The following ESPL1 variants were observed in gnomAD, a reference collection of about 807,000 sequenced individuals.
The protein encoded by ESPL1 is separin.
In ESPL1, 50 loss-of-function variants were observed where a neutral mutation model predicts 217.2. That is an observed-to-expected ratio of 0.23 (90% CI 0.18 to 0.29). ESPL1 has a LOEUF of 0.29. ESPL1 is among the 10% of genes least tolerant of loss of function. The pLI, the probability that ESPL1 is intolerant of heterozygous loss-of-function variation, is 1.00. For missense variants in ESPL1, 1,834 were observed against 2,603.0 expected, an observed-to-expected ratio of 0.70 and a Z score of 6.43; for synonymous variants, 994 against 1,081.3, an observed-to-expected ratio of 0.92 and a Z score of 1.58.
In ESPL1 at chr12:53,292,000, C is replaced by T; in HGVS notation, c.5708C>T (p.Pro1903Leu). The change falls in exon 27 of 31, where the codon CCG (proline) becomes CTG (leucine). Residue 1903 changes from proline to leucine, a missense_variant. By Grantham distance (98) the Pro-to-Leu change is moderately conservative. This residue lies in a region of ESPL1 where 295 missense variants were observed against 519.8 expected (regional missense o/e 0.57). Coordinates refer to ENST00000257934, the MANE Select transcript of ESPL1 (RefSeq NM_012291.5). Reference sequence around the variant, plus strand: ...TTTGCCCAGGACTTGCAGAAGCTGCCGTGGGAAAGCATGCCCAGCCTCCAA... The same window carrying T: ...TTTGCCCAGGACTTGCAGAAGCTGCTGTGGGAAAGCATGCCCAGCCTCCAA... ...LVLDKDLQKL[P>L]WESMPSLQAL... The T allele has an allele frequency of 1.2e-6, 2 of 1,613,930 alleles. No individual in the cohort carries two copies. The highest frequency in any genetic ancestry group is 1.7e-6 in the Non-Finnish European group (2 of 1,179,952).
In ESPL1 at chr12:53,269,423, CGGCG is replaced by C; in HGVS notation, c.482_485del (p.Arg161GlnfsTer8). On this transcript the variant is annotated frameshift_variant, in exon 3 of 31. Coordinates refer to ENST00000257934, the MANE Select transcript of ESPL1 (RefSeq NM_012291.5). LOFTEE classifies it high-confidence loss of function. The surrounding 1 kb of genome is among the most constrained non-coding windows in gnomAD (Gnocchi z 6.7). Reference sequence around the variant, plus strand: ...GAAGGGGGCAGAAGCCCTGTTGGAACGGCGAGCTGCATTTGCAGCTCGGCTGAAG... The same window carrying C: ...GAAGGGGGCAGAAGCCCTGTTGGAACAGCTGCATTTGCAGCTCGGCTGAAG... 1 of 1,613,832 alleles carries C rather than the reference CGGCG, an allele frequency of 6.2e-7. No individual in the cohort carries two copies. Among genetic ancestry groups the C allele is most frequent in the Non-Finnish European group, 8.5e-7 (1 of 1,179,962 alleles).
Position 53,292,402 on chromosome 12 carries a change from C to A in ESPL1, c.5912+9C>A. ...CGAGCCAATTTCAGCAGGTCAGGGG[C>A]GCGAAGACAAGAAGACGTGTGGGGA... On this transcript the variant is annotated intron_variant, in intron 28 of 30. Coordinates refer to ENST00000257934, the MANE Select transcript of ESPL1 (RefSeq NM_012291.5). This position sits in a 1 kb window ranked among gnomAD's most constrained non-coding sequence, Gnocchi z 4.5. 3 of 1,591,638 alleles carry A rather than the reference C, an allele frequency of 1.9e-6. No homozygotes were observed. Among genetic ancestry groups the A allele is most frequent in the East Asian group, 2.2e-5 (1 of 44,786 alleles).
chr12:53,274,989 G>A lies in ESPL1; in HGVS notation c.1679G>A (p.Gly560Glu), dbSNP rs1943741383. 2 of 1,549,494 alleles carry A rather than the reference G, an allele frequency of 1.3e-6. No individual in the cohort carries two copies. The highest frequency in any genetic ancestry group is 1.7e-6 in the Non-Finnish European group (2 of 1,149,868). ...GTCAAGATGGATGCGGCCAGGGCTG[G>A]AGACAAGGAGCTACAGCTAAAGTGA... ...VRVKMDAARA[G>E]DKELQLKTLR... The change falls in exon 7 of 31, where the codon GGA becomes GAA. Residue 560 changes from glycine (G) to glutamate (E), a missense_variant. Coordinates refer to ENST00000257934, the MANE Select transcript of ESPL1 (RefSeq NM_012291.5).
intron 3 of ESPL1, 110 bp downstream of exon 3, chr12:53,270,195 C>G (rs1351232753): frequency 9.3e-7 from 1 of 1,074,808 alleles, no homozygotes; most frequent in Non-Finnish European, 1.4e-6. Context: ...TTAAGCTGCT[C>G]TCTGGACAGT....
chr12:53,290,540 AGACG>A, intron 24 of ESPL1, 71 bp downstream of exon 24: 1 of 1,568,902 alleles, frequency 6.4e-7, no homozygotes, highest in Non-Finnish European at 8.7e-7. Flanking sequence ...CTTCTCTACC[AGACG>A]GCCTGGGTCA....
At chr12:53,288,401 C>A in intron 19 of ESPL1, 60 bp downstream of exon 19, 1 of 1,538,744 alleles carries the variant, frequency 6.5e-7, no homozygotes, top group Non-Finnish European at 8.7e-7. Context: ...TGGGGCAAAG[C>A]ACAAGCAGTA....
chr12:53,277,105 G>A lies in ESPL1; in HGVS notation c.1963G>A (p.Glu655Lys), dbSNP rs1379253812. The A allele has an allele frequency of 2.5e-6, 4 of 1,613,906 alleles. No individual in the cohort carries two copies. In the Admixed American group the frequency reaches 5.0e-5, roughly 20 times the overall value. Reference protein sequence around the residue: ...TNCSALDAIREALQLLDSVRP... With the variant: ...TNCSALDAIRKALQLLDSVRP... The stretch of plus-strand genomic sequence containing the variant: ...CAGCTCTGCTCTGGATGCTATCCGG[G>A]AAGCCCTGCAGCTTCTGGACTCTGT... Residue 655 changes from glutamate (E) to lysine (K), a missense_variant, in exon 9 of 31, where the codon GAA becomes AAA. Coordinates refer to ENST00000257934, the MANE Select transcript of ESPL1 (RefSeq NM_012291.5).
At chr12:53,289,767 C>T in intron 22 of ESPL1, 173 bp downstream of exon 22, 1 of 646,068 alleles carries the variant, frequency 1.5e-6, no homozygotes, top group Non-Finnish European at 2.6e-6. Flanking sequence ...TTTTTTTAAA[C>T]CTCAACTTTG....
chr12:53,288,641 G>A lies in ESPL1; in HGVS notation c.4650G>A (p.Lys1550=). The A allele has an allele frequency of 1.2e-6, 2 of 1,614,006 alleles. No individual in the cohort carries two copies. The highest frequency in any genetic ancestry group is 1.7e-6 in the Non-Finnish European group (2 of 1,180,026). The change falls in exon 20 of 31, where the codon AAG becomes AAA. Residue 1550 remains lysine (K), a synonymous_variant. Coordinates refer to ENST00000257934, the MANE Select transcript of ESPL1 (RefSeq NM_012291.5). ...AGCTGCCCAGCCCATGCCCAGACAA[G>A]GAGAGTGACAAGGACCTTGGTCCTC... ...KKKLPSPCPD[K]ESDKDLGPRL...
At chr12:53,268,693 C>G (rs568840171) in intron 1 of ESPL1, 62 bp from the exon 2 acceptor site, 1 of 1,034,944 alleles carries the variant, frequency 9.7e-7, no homozygotes, top group South Asian at 1.4e-5. Context: ...ACCTTCAGCC[C>G]TCTTCCCTTC....
In ESPL1 at chr12:53,292,505, C is replaced by T; in HGVS notation, c.5913-69C>T. On this transcript the variant is annotated intron_variant, in intron 28 of 30. Coordinates refer to ENST00000257934, the MANE Select transcript of ESPL1 (RefSeq NM_012291.5). The surrounding 1 kb of genome is among the most constrained non-coding windows in gnomAD (Gnocchi z 4.5). The stretch of plus-strand genomic sequence containing the variant: ...CAGCCCACCTTCTATCTAATGATCC[C>T]TCTGCTGTCTTTGCCACCTGACCCC... 7.0e-7 allele frequency: 1 copy of T among 1,435,896 alleles called. No individual in the cohort carries two copies. The highest frequency in any genetic ancestry group is 9.8e-7 in the Non-Finnish European group (1 of 1,019,430). 88.9% of individuals were successfully genotyped at this position (1,435,896 alleles called of 1,614,324 possible).
intron 12 of ESPL1, among the ~76,000 whole-genome samples, 154 bp from the exon 13 acceptor site, chr12:53,281,353 G>A (rs1943858387): frequency 6.6e-6 from 1 of 152,014 alleles, no homozygotes; most frequent in Admixed American, 6.6e-5. Context: ...TGGCCAGGCT[G>A]GTCTTGAACT....
Position 53,282,346 on chromosome 12 carries a change from G to C in ESPL1, c.2702G>C (p.Arg901Pro). 1 of 1,614,022 alleles carries C rather than the reference G, an allele frequency of 6.2e-7. No homozygotes were observed. The highest frequency in any genetic ancestry group is 8.5e-7 in the Non-Finnish European group (1 of 1,179,896). ...TCCTCCAAGGCTTGGTACTTGCTGC[G>C]TGTCCAGGTCCTGCAGCTGGTGGCA... The part of the protein sequence containing the change: ...QKSSKAWYLL[R>P]VQVLQLVAAY... Residue 901 changes from arginine to proline, a missense_variant, in exon 14 of 31, where the codon CGT becomes CCT. Physicochemically the swap from Arg to Pro is moderately radical, Grantham distance 103. Around this residue, in one of 5 missense-constraint regions of ESPL1, gnomAD observed 5 missense variants for 26.5 expected, o/e 0.19. Coordinates refer to ENST00000257934, the MANE Select transcript of ESPL1 (RefSeq NM_012291.5). The surrounding 1 kb of genome is among the most constrained non-coding windows in gnomAD (Gnocchi z 4.0).
In ESPL1 at chr12:53,287,928, C is replaced by T. The variant is rs757375477; in HGVS notation, c.4177-44C>T. On this transcript the variant is annotated intron_variant, in intron 18 of 30. Coordinates refer to ENST00000257934, the MANE Select transcript of ESPL1 (RefSeq NM_012291.5). ...CACCTGCTGTCACAAGGTGTCTTGTCACTGAAGACCTCTTAGCCCTTCACC... is the reference window on the plus strand; with the variant it reads ...CACCTGCTGTCACAAGGTGTCTTGTTACTGAAGACCTCTTAGCCCTTCACC... 1.3e-5 allele frequency: 20 copies of T among 1,522,636 alleles called. 1 individual carries two copies. In the South Asian group the frequency reaches 2.6e-4, roughly 20 times the overall value. 94.3% of individuals were successfully genotyped at this position (1,522,636 alleles called of 1,614,324 possible).
chr12:53,269,048 G>C lies in ESPL1; in HGVS notation c.106G>C (p.Gly36Arg). 4.3e-6 allele frequency: 7 copies of C among 1,612,734 alleles called. No homozygotes were observed. The highest frequency in any genetic ancestry group is 5.9e-6 in the Non-Finnish European group (7 of 1,179,144). ...LKEFLSNPPA[G>R]FPSSRSDAER... ...GGAGTTCCTGTCCAACCCTCCAGCT[G>C]GTTTTCCCAGCAGCCGATCTGATGC... Residue 36 changes from glycine (G) to arginine (R), a missense_variant, in exon 3 of 31, where the codon GGT (glycine) becomes CGT (arginine). Gly to Arg is a moderately radical substitution (Grantham distance 125). This residue lies in a region of ESPL1 where 746 missense variants were observed against 1,077.0 expected (regional missense o/e 0.69). Coordinates refer to ENST00000257934, the MANE Select transcript of ESPL1 (RefSeq NM_012291.5). This position sits in a 1 kb window ranked among gnomAD's most constrained non-coding sequence, Gnocchi z 6.7.
intron 19 of ESPL1, 62 bp downstream of exon 19, chr12:53,288,403 C>T (rs1592494956): frequency 6.5e-7 from 1 of 1,538,340 alleles, no homozygotes; most frequent in Non-Finnish European, 8.8e-7. Context: ...GGGCAAAGCA[C>T]AAGCAGTAAG....
Position 53,288,202 on chromosome 12 carries a change from G to C in ESPL1, c.4407G>C (p.Arg1469=), listed in dbSNP as rs1943986896. The C allele has an allele frequency of 1.2e-6, 2 of 1,610,934 alleles. No homozygotes were observed. The highest frequency in any genetic ancestry group is 3.4e-5 in the Admixed American group (2 of 59,292). The change falls in exon 19 of 31, where the codon CGG becomes CGC. Residue 1469 remains arginine, a synonymous_variant. Transcript: ENST00000257934. ...KKVASRHCEE[R]RPQRASDQAR... ...TGGCATCAAGACATTGTGAGGAGCGGCGTCCCCAGAGGGCCAGTGACCAGG... is the reference window on the plus strand; with the variant it reads ...TGGCATCAAGACATTGTGAGGAGCGCCGTCCCCAGAGGGCCAGTGACCAGG...
At position 53,276,702 on chromosome 12, in the gene ESPL1, G is replaced by C; in HGVS notation, c.1783G>C (p.Val595Leu). 6.2e-7 allele frequency: 1 copy of C among 1,613,274 alleles called. No individual in the cohort carries two copies. Among genetic ancestry groups the C allele is most frequent in the Non-Finnish European group, 8.5e-7 (1 of 1,180,026 alleles). The change falls in exon 8 of 31, where the codon GTG becomes CTG. Residue 595 changes from valine to leucine, a missense_variant. Around this residue, in one of 5 missense-constraint regions of ESPL1, gnomAD observed 746 missense variants for 1,077.0 expected, o/e 0.69. Transcript: ENST00000257934. ...LREELQAYKA[V>L]RADTGQERFN... ...GGAGGAGCTGCAGGCCTACAAGGCG[G>C]TGCGGGCCGACACTGGACAGGAACG...
chr12:53,291,842 T>C lies in ESPL1; in HGVS notation c.5673T>C (p.Leu1891=), dbSNP rs1944065736. The change falls in exon 26 of 31, where the codon CTT becomes CTC. Residue 1891 remains leucine (L), a synonymous_variant. Coordinates refer to ENST00000257934, the MANE Select transcript of ESPL1 (RefSeq NM_012291.5). ...QGLTVPSNSH[L]VLVLDKDLQK... is the part of the protein sequence containing the mutation. Reference sequence around the variant, plus strand: ...TGACAGTACCAAGCAATAGCCACCTTGTCTTGGTCCTAGACAAGGTAAGGA... The same window carrying C: ...TGACAGTACCAAGCAATAGCCACCTCGTCTTGGTCCTAGACAAGGTAAGGA... 1.3e-6 allele frequency: 2 copies of C among 1,589,016 alleles called. No individual in the cohort carries two copies. Among genetic ancestry groups the C allele is most frequent in the African/African-American group, 2.7e-5 (2 of 74,310 alleles).
Sources: gnomAD v4.1 joint callset for allele counts (sites outside exome capture counted in the v4.1 genomes callset) on GRCh38, gnomAD v4.1.1 for gene constraint, gnomAD v4.1.1 regional missense constraint, Gnocchi (gnomAD v3.1) non-coding constraint, MANE v1.5 for transcripts, NCBI Gene and HGNC (gene_info 2026-07-23, HGNC 2026-07-21) for gene names.